CHD6: variants seen among roughly 807,000 people sequenced by gnomAD.
The protein encoded by CHD6 is chromodomain helicase DNA binding protein 6.
A neutral mutation model predicts 276.9 loss-of-function variants in CHD6; 50 were observed. That is an observed-to-expected ratio of 0.18 (90% CI 0.14 to 0.23). The LOEUF (loss-of-function observed/expected upper bound fraction) is 0.23. Among genes scored for constraint, CHD6 ranks in the 10% least tolerant of loss-of-function variants. The pLI, the probability that CHD6 is intolerant of heterozygous loss-of-function variation, is 1.00. For synonymous variants in CHD6, 1,173 were observed against 1,229.3 expected (o/e 0.95, Z 0.96); for missense variants, 2,564 against 3,365.8 (o/e 0.76, Z 5.89).
At chr20:41,594,632 G>A (rs1468282558) in intron 1 of CHD6, among the ~76,000 whole-genome samples, 1 of 152,188 alleles carries the variant, frequency 6.6e-6, no homozygotes, top group Non-Finnish European at 1.5e-5. Flanking sequence ...GGTCTTTCTT[G>A]CTCTGTACAC....
rs569096317 is a variant in CHD6 at position 41,528,861 on chromosome 20, C to T, written c.554+4189G>A. Among the ~76,000 whole-genome samples, 122 of 152,284 alleles carry T rather than the reference C, an allele frequency of 8.0e-4. 1 individual carries two copies. Among genetic ancestry groups the T allele is most frequent in the African/African-American group, 2.7e-3 (112 of 41,554 alleles). ...ACATGTTCAATAATCTGCTTGTTGC[C>T]TCTCAAATGCAAACACAAACAAAGG... is the stretch of plus-strand genomic sequence containing the variant. On this transcript the variant is annotated intron_variant, in intron 3 of 36. Coordinates refer to ENST00000373233, the MANE Select transcript of CHD6 (RefSeq NM_032221.5).
intron 1 of CHD6, among the ~76,000 whole-genome samples, chr20:41,560,837 A>C (rs982496801): frequency 1.3e-5 from 2 of 151,132 alleles, no homozygotes; most frequent in African/African-American, 4.9e-5. Context: ...CCTAAAACAA[A>C]TAAAAAAAAA....
At chr20:41,490,782 CAGCATGGGTGACAG>C (rs2145862883) in intron 11 of CHD6, among the ~76,000 whole-genome samples, 1 of 152,004 alleles carries the variant, frequency 6.6e-6, no homozygotes, top group African/African-American at 2.4e-5. Context: ...CATTGCACTC[CAGCATGGGTGACAG>C]AGCGAGGCTC....
At chr20:41,549,034 CACCATTGGTGGGACTGTAAACT>C (rs1480914047) in intron 2 of CHD6, among the ~76,000 whole-genome samples, 4 of 152,186 alleles carry the variant, frequency 2.6e-5, no homozygotes, top group African/African-American at 9.7e-5. Context: ...AACACTTTTA[CACCATTGGTGGGACTGTAAACT>C]AGTTCAACCA....
chr20:41,412,548 C>A (rs976442232), intron 35 of CHD6, among the ~76,000 whole-genome samples: 16 of 152,160 alleles, frequency 1.1e-4, no homozygotes, highest in African/African-American at 3.6e-4. Flanking sequence ...CCTGTTAATC[C>A]CTGGCCTTTT....
intron 1 of CHD6, among the ~76,000 whole-genome samples, chr20:41,586,267 C>T (rs1021644553): frequency 6.6e-6 from 1 of 152,238 alleles, no homozygotes; most frequent in Non-Finnish European, 1.5e-5. Context: ...AACGCCGTCA[C>T]AAGACCCGCC....
intron 20 of CHD6, 25 bp downstream of exon 20, chr20:41,454,600 TG>T (rs1365894309): frequency 6.6e-7 from 1 of 1,524,760 alleles, no homozygotes; most frequent in Non-Finnish European, 9.1e-7. Context: ...GAATGTTCCA[TG>T]GAATAAAATA....
At chr20:41,552,004 T>C (rs1331860694) in intron 1 of CHD6, among the ~76,000 whole-genome samples, 2 of 152,166 alleles carry the variant, frequency 1.3e-5, no homozygotes, top group African/African-American at 4.8e-5. Context: ...ACTGAACTTC[T>C]CATAAATGAC....
intron 17 of CHD6, among the ~76,000 whole-genome samples, chr20:41,467,849 C>T (rs1250433237): frequency 5.3e-5 from 8 of 151,256 alleles, no homozygotes; most frequent in Non-Finnish European, 4.4e-5. Context: ...GGAGAGGCAG[C>T]GGCGTACTCA....
At chr20:41,557,086 A>G (rs937212254) in intron 1 of CHD6, among the ~76,000 whole-genome samples, 2 of 152,368 alleles carry the variant, frequency 1.3e-5, no homozygotes, top group South Asian at 4.1e-4. Flanking sequence ...ACTTAATTAG[A>G]AACATAATAC....
chr20:41,503,742 C>T (rs1306622828), intron 5 of CHD6, among the ~76,000 whole-genome samples: 1 of 152,086 alleles, frequency 6.6e-6, no homozygotes, highest in African/African-American at 2.4e-5. Context: ...AAATGCTACT[C>T]TGCTCCAATC....
intron 3 of CHD6, among the ~76,000 whole-genome samples, chr20:41,530,044 A>G (rs544909402): frequency 6.6e-6 from 1 of 152,348 alleles, no homozygotes; most frequent in South Asian, 2.1e-4. Flanking sequence ...GAAGGAATGG[A>G]GCACACATGG....
At position 41,403,325 on chromosome 20, in the gene CHD6, T is replaced by C. The variant is rs1241384597; in HGVS notation, c.*1268A>G. On this transcript the variant is annotated 3_prime_UTR_variant, in exon 37 of 37. Coordinates refer to ENST00000373233, the MANE Select transcript of CHD6 (RefSeq NM_032221.5). ...CAGAGTGTGAACTACCTGTGAAGAG[T>C]GAGACCATCAGAAGGGACGTTAACA... 1 of 1,062,958 alleles carries C rather than the reference T, an allele frequency of 9.4e-7. No individual in the cohort carries two copies. Among genetic ancestry groups the C allele is most frequent in the African/African-American group, 1.6e-5 (1 of 60,804 alleles). The allele number at this position is 1,062,958 out of a possible 1,614,324, so 65.8% of individuals were successfully genotyped here.
At chr20:41,553,366 A>G (rs914270645) in intron 1 of CHD6, among the ~76,000 whole-genome samples, 13 of 152,238 alleles carry the variant, frequency 8.5e-5, no homozygotes, top group Admixed American at 8.5e-4. Context: ...GTTTGGGCTA[A>G]TAACTCTTTG....
At chr20:41,459,988 T>C (rs1200513220) in intron 17 of CHD6, among the ~76,000 whole-genome samples, 3 of 152,258 alleles carry the variant, frequency 2.0e-5, no homozygotes, top group Non-Finnish European at 4.4e-5. Context: ...GGCAGAGATA[T>C]GGACAATAAG....
chr20:41,586,767 C>T (rs1338672711), intron 1 of CHD6, among the ~76,000 whole-genome samples: 1 of 152,144 alleles, frequency 6.6e-6, no homozygotes, highest in African/African-American at 2.4e-5. Context: ...AAGCATGTAA[C>T]AAAATTCAAA....
intron 31 of CHD6, among the ~76,000 whole-genome samples, chr20:41,418,842 C>T (rs2047088429): frequency 6.6e-6 from 1 of 152,208 alleles, no homozygotes; most frequent in South Asian, 2.1e-4. Flanking sequence ...CACGCGTGCA[C>T]ATGATGCTCA....
In CHD6 at chr20:41,454,694, C is replaced by G; in HGVS notation, c.3052G>C (p.Asp1018His). The change falls in exon 20 of 37, where the codon GAT becomes CAT. Residue 1018 changes from aspartate (D) to histidine (H), a missense_variant. Physicochemically the swap from Asp to His is moderately conservative, Grantham distance 81. Around this residue, in one of 7 missense-constraint regions of CHD6, gnomAD observed 19 missense variants for 74.7 expected, o/e 0.25. Transcript: ENST00000373233. ...ASGNRTDISL[D>H]DPNFWQKWAK... The stretch of plus-strand genomic sequence containing the variant: ...CATTTCTGCCAAAAGTTAGGATCAT[C>G]TAAGGAAATATCTGTTCTGTTTCCT... The G allele has an allele frequency of 6.2e-7, 1 of 1,613,916 alleles. No homozygotes were observed. Among genetic ancestry groups the G allele is most frequent in the Non-Finnish European group, 8.5e-7 (1 of 1,179,910 alleles).
At chr20:41,441,055 T>C (rs2047887015) in intron 25 of CHD6, among the ~76,000 whole-genome samples, 1 of 152,222 alleles carries the variant, frequency 6.6e-6, no homozygotes, top group Non-Finnish European at 1.5e-5. Context: ...TAATCCACAG[T>C]GGCTCTCCTG....
Sources: gnomAD v4.1 joint callset for allele counts (sites outside exome capture counted in the v4.1 genomes callset) on GRCh38, gnomAD v4.1.1 for gene constraint, gnomAD v4.1.1 regional missense constraint, MANE v1.5 for transcripts, NCBI Gene and HGNC (gene_info 2026-07-23, HGNC 2026-07-21) for gene names.